The following TPM4 variants were observed in gnomAD, a reference collection of about 807,000 sequenced individuals.
TPM4 encodes tropomyosin 4.
TPM4 carries 17 observed loss-of-function variants against 35.8 expected under a neutral mutation model. That is an observed-to-expected ratio of 0.47 (90% CI 0.32 to 0.71). The LOEUF (loss-of-function observed/expected upper bound fraction) is 0.71, where lower values mean the gene tolerates loss of function less well. Ranked by LOEUF, TPM4 falls within the 30% of genes least tolerant of loss-of-function variation. The pLI, the probability that TPM4 is intolerant of heterozygous loss-of-function variation, is 0.03. For missense variants in TPM4, 240 were observed against 320.9 expected (o/e 0.75, Z 1.93); for synonymous variants, 120 against 122.9 (o/e 0.98, Z 0.15).
chr19:16,074,495 C>G (rs569866620), upstream of TPM4: 10 of 152,326 alleles, frequency 6.6e-5, no homozygotes, highest in African/African-American at 2.2e-4. Context: ...TGGGTCAACC[C>G]TCATGACCTC....
Position 16,101,689 on chromosome 19 carries a change from G to T in TPM4, c.*343G>T. The T allele has an allele frequency of 3.5e-6, 1 of 287,234 alleles. No homozygotes were observed. Among genetic ancestry groups the T allele is most frequent in the South Asian group, 6.7e-5 (1 of 15,020 alleles). The allele number at this position is 287,234 out of a possible 1,614,324, so 17.8% of individuals were successfully genotyped here. On this transcript the variant is annotated 3_prime_UTR_variant, in exon 8 of 8. Transcript: ENST00000643579. The stretch of plus-strand genomic sequence containing the variant: ...AGAATAGGCAGCCCCACACTTTGAA[G>T]AATACAGACCCCAGTATCTAGTCGT...
At chr19:16,074,017 A>G (rs2090380857), upstream of TPM4, among the ~76,000 whole-genome samples, 1 of 151,440 alleles carries the variant, frequency 6.6e-6, no homozygotes, top group South Asian at 2.1e-4. Flanking sequence ...TAAAAAAAAA[A>G]AAGGCAAAAA....
chr19:16,088,843 C>T, intron 4 of TPM4: 2 of 1,374,114 alleles, frequency 1.5e-6, no homozygotes, highest in Non-Finnish European at 1.9e-6. Flanking sequence ...CACCTCGCCT[C>T]TGCCTGGTAT....
intron 2 of TPM4, among the ~76,000 whole-genome samples, chr19:16,069,649 G>GCT (rs1555705774): frequency 5.7e-5 from 8 of 139,996 alleles, no homozygotes; most frequent in African/African-American, 2.1e-4. Context: ...TGTTTCTGTT[G>GCT]GTGTGTGTGT....
intron 2 of TPM4, among the ~76,000 whole-genome samples, chr19:16,085,349 G>A (rs1432815877): frequency 6.6e-6 from 1 of 152,084 alleles, no homozygotes; most frequent in Admixed American, 6.6e-5. Context: ...GAACTCCTGG[G>A]CTCAAGCGAT....
At chr19:16,072,215 G>A (rs535082019), upstream of TPM4, among the ~76,000 whole-genome samples, 5 of 152,290 alleles carry the variant, frequency 3.3e-5, no homozygotes, top group Non-Finnish European at 2.9e-5. Context: ...CTAATGCTGG[G>A]GCCCATAGTG....
At chr19:16,097,187 C>G (rs968139738) in intron 7 of TPM4, among the ~76,000 whole-genome samples, 2 of 151,896 alleles carry the variant, frequency 1.3e-5, no homozygotes, top group African/African-American at 4.8e-5. Flanking sequence ...CTCCTGGCCT[C>G]AACTGATCCG....
At chr19:16,069,649 GGT>G (rs1191263898) in intron 2 of TPM4, among the ~76,000 whole-genome samples, 5 of 139,878 alleles carry the variant, frequency 3.6e-5, no homozygotes, top group South Asian at 2.3e-4. Flanking sequence ...TGTTTCTGTT[GGT>G]GTGTGTGTGG....
At chr19:16,076,215 G>C (rs1222653339), upstream of TPM4, 1 of 1,549,148 alleles carries the variant, frequency 6.5e-7, no homozygotes, top group Non-Finnish European at 8.7e-7. Context: ...GGGCCAGGCC[G>C]GAGCCCCGGG....
chr19:16,088,416 A>G (rs1468425608), intron 4 of TPM4: 1 of 1,208,074 alleles, frequency 8.3e-7, no homozygotes, highest in Middle Eastern at 3.6e-4. Context: ...CCATCTTAAC[A>G]GAACACTGAC....
chr19:16,089,050 G>A lies in TPM4; in HGVS notation c.461G>A (p.Cys154Tyr). The A allele has an allele frequency of 3.1e-6, 5 of 1,614,120 alleles. No homozygotes were observed. The highest frequency in any genetic ancestry group is 4.2e-6 in the Non-Finnish European group (5 of 1,180,000). Reference protein sequence around the residue: ...EERAEVSELKCGDLEEELKNV... With the variant: ...EERAEVSELKYGDLEEELKNV... ...AATCCTTTGTCTTTGTGCAGAAAATGTGGTGACCTGGAAGAAGAACTCAAG... is the reference window on the plus strand; with the variant it reads ...AATCCTTTGTCTTTGTGCAGAAAATATGGTGACCTGGAAGAAGAACTCAAG... The change falls in exon 5 of 8, where the codon TGT becomes TAT. Residue 154 changes from cysteine to tyrosine, a missense_variant. Physicochemically the swap from Cys to Tyr is radical, Grantham distance 194 (BLOSUM62 -2). Transcript: ENST00000643579.
At chr19:16,076,464 A>G (rs898679236), upstream of TPM4, 106 of 1,334,020 alleles carry the variant, frequency 7.9e-5, no homozygotes, top group Admixed American at 8.3e-5. Context: ...GCCCCCGCGC[A>G]GGCAAAGGCT....
intron 5 of TPM4, among the ~76,000 whole-genome samples, chr19:16,090,408 G>A (rs1222708454): frequency 1.3e-5 from 2 of 150,754 alleles, no homozygotes; most frequent in South Asian, 2.1e-4. Flanking sequence ...GTGGGCCACC[G>A]TGCCTGGCTA....
intron 1 of TPM4, among the ~76,000 whole-genome samples, chr19:16,078,861 T>C (rs983841538): frequency 1.3e-5 from 2 of 149,554 alleles, no homozygotes; most frequent in African/African-American, 4.9e-5. Flanking sequence ...CTTTCACTCT[T>C]GTAGAATAAG....
chr19:16,071,674 G>A (rs1489110718), upstream of TPM4, among the ~76,000 whole-genome samples: 1 of 152,224 alleles, frequency 6.6e-6, no homozygotes, highest in Non-Finnish European at 1.5e-5. Flanking sequence ...GGGGAATAGA[G>A]GCACTTAGAG....
intron 1 of TPM4, 112 bp downstream of exon 1, chr19:16,076,809 T>C: frequency 4.0e-6 from 5 of 1,262,848 alleles, no homozygotes; most frequent in East Asian, 6.5e-5. Flanking sequence ...GCCGCCTTTT[T>C]ACGCCCTCGG....
upstream of TPM4, among the ~76,000 whole-genome samples, chr19:16,071,519 G>A (rs190329862): frequency 2.2e-4 from 34 of 152,308 alleles, no homozygotes; most frequent in Admixed American, 1.1e-3. Context: ...CTGAGGACAC[G>A]TTCCTGCACA....
intron 5 of TPM4, among the ~76,000 whole-genome samples, chr19:16,090,510 T>TGGGATTA (rs2090613183): frequency 3.3e-5 from 5 of 151,840 alleles, no homozygotes; most frequent in African/African-American, 1.2e-4. Context: ...CACCTTGGCC[T>TGGGATTA]CCCAAAGTGC....
upstream of TPM4, chr19:16,074,576 ATGAAT>A (rs984413118): frequency 3.9e-5 from 6 of 152,250 alleles, no homozygotes; most frequent in African/African-American, 1.4e-4. Flanking sequence ...GCTTCAACAC[ATGAAT>A]TGGAGAGGGG....
Sources: gnomAD v4.1 joint callset for allele counts (sites outside exome capture counted in the v4.1 genomes callset) on GRCh38, gnomAD v4.1.1 for gene constraint, MANE v1.5 for transcripts, NCBI Gene and HGNC (gene_info 2026-07-23, HGNC 2026-07-21) for gene names.